GRIN2D: variants seen among roughly 807,000 people sequenced by gnomAD.
The protein encoded by GRIN2D is glutamate receptor ionotropic, NMDA 2D.
In GRIN2D, 37 loss-of-function variants were observed where a neutral mutation model predicts 103.2. The observed-to-expected ratio is 0.36, with a 90% CI of 0.28 to 0.47. GRIN2D has a LOEUF of 0.47. Ranked by LOEUF, GRIN2D falls within the 20% of genes least tolerant of loss-of-function variation. The probability of loss-of-function intolerance (pLI) is 1.00; values close to 1 mark genes in which losing one functional copy is unlikely to be tolerated. For missense variants in GRIN2D, 1,557 were observed against 1,910.6 expected, an observed-to-expected ratio of 0.81 and a Z score of 3.45; for synonymous variants, 845 against 885.6, an observed-to-expected ratio of 0.95 and a Z score of 0.81.
intron 11 of GRIN2D, 41 bp from the exon 12 acceptor site, chr19:48,441,728 T>C: frequency 6.5e-7 from 1 of 1,537,970 alleles, no homozygotes; most frequent in East Asian, 2.3e-5. Flanking sequence ...CCAGGGCATC[T>C]AGGTGGGACT....
Position 48,398,868 on chromosome 19 carries a change from C to CCGGGG in GRIN2D, c.465+23_465+27dup, listed in dbSNP as rs1189546473. ...GTGCTCACGCCCAAGGTGCGCGCGA[C>CCGGGG]CGGGGCGGGGCGGGGCCACAGGAGG... On this transcript the variant is annotated intron_variant, in intron 3 of 13. Coordinates refer to ENST00000263269, the MANE Select transcript of GRIN2D (RefSeq NM_000836.4). The CCGGGG allele has an allele frequency of 2.3e-6, 3 of 1,300,540 alleles. No homozygotes were observed. The highest frequency in any genetic ancestry group is 2.0e-6 in the Non-Finnish European group (2 of 1,025,068). The allele number at this position is 1,300,540 out of a possible 1,614,324, so 80.6% of individuals were successfully genotyped here.
At position 48,429,148 on chromosome 19, in the gene GRIN2D, T is replaced by C. The variant is rs375978097; in HGVS notation, c.2252+7203T>C. The stretch of plus-strand genomic sequence containing the variant: ...AGTATCCCTTGTTACTTTTTCTTTT[T>C]TTTCTAATTTTTAGTTCTATATTTA... On this transcript the variant is annotated intron_variant, in intron 11 of 13. Transcript: ENST00000263269. Among the ~76,000 whole-genome samples, 3 of 152,326 alleles carry C rather than the reference T, an allele frequency of 2.0e-5. No individual in the cohort carries two copies. In the East Asian group the frequency reaches 5.8e-4, roughly 29 times the overall value.
chr19:48,432,387 G>A (rs570062982), intron 11 of GRIN2D, among the ~76,000 whole-genome samples: 1 of 151,804 alleles, frequency 6.6e-6, no homozygotes, highest in African/African-American at 2.4e-5. Context: ...TCTTTCAATC[G>A]TATTCTCATG....
At chr19:48,432,772 TC>T (rs1971173448) in intron 11 of GRIN2D, among the ~76,000 whole-genome samples, 1 of 150,804 alleles carries the variant, frequency 6.6e-6, no homozygotes, top group Admixed American at 6.6e-5. Context: ...AACTGGACTT[TC>T]TTTTTTTTTT....
chr19:48,412,031 TAA>T (rs922471645), intron 4 of GRIN2D, among the ~76,000 whole-genome samples: 1 of 143,348 alleles, frequency 7.0e-6, no homozygotes, highest in Non-Finnish European at 1.5e-5. Flanking sequence ...TATCTCTACT[TAA>T]AAAAAAAAAG....
chr19:48,401,122 C>T lies in GRIN2D; in HGVS notation c.465+2265C>T, dbSNP rs928204330. On this transcript the variant is annotated intron_variant, in intron 3 of 13. Coordinates refer to ENST00000263269, the MANE Select transcript of GRIN2D (RefSeq NM_000836.4). ...ACAATAAACAAAAAGAACTCATTCCCTCAGGACAACTGCAGTATCCCCTGT... is the reference window on the plus strand; with the variant it reads ...ACAATAAACAAAAAGAACTCATTCCTTCAGGACAACTGCAGTATCCCCTGT... Among the ~76,000 whole-genome samples the T allele has an allele frequency of 9.9e-5, 15 of 151,888 alleles. 1 individual carries two copies. The highest frequency in any genetic ancestry group is 2.9e-5 in the Non-Finnish European group (2 of 67,974).
rs900615101 is a variant in GRIN2D, at chr19:48,443,002, G to A, written c.3076G>A (p.Gly1026Ser). The A allele has an allele frequency of 3.7e-6, 4 of 1,092,784 alleles. No homozygotes were observed. Among genetic ancestry groups the A allele is most frequent in the Admixed American group, 5.1e-5 (1 of 19,674 alleles). 67.7% of individuals were successfully genotyped at this position (1,092,784 alleles called of 1,614,324 possible). Residue 1026 changes from glycine to serine, a missense_variant, in exon 14 of 14, where the codon GGC (glycine) becomes AGC (serine). Physicochemically the swap from Gly to Ser is moderately conservative, Grantham distance 56. Transcript: ENST00000263269. This position sits in a 1 kb window ranked among gnomAD's most constrained non-coding sequence, Gnocchi z 8.9. ...CGAGCCCCCCGCCGGCGCCTTCCCC[G>A]GCTTCCCGTCGCCGCCCGCGCCCCC... Reference protein sequence around the residue: ...PAEPPAGAFPGFPSPPAPPAA... With the variant: ...PAEPPAGAFPSFPSPPAPPAA...
intron 7 of GRIN2D, among the ~76,000 whole-genome samples, chr19:48,415,555 A>G (rs1352939657): frequency 2.1e-5 from 2 of 93,132 alleles, no homozygotes; most frequent in Non-Finnish European, 4.3e-5. Context: ...AGGCGGGGCT[A>G]GGAGGGTGGG....
chr19:48,400,613 G>A (rs1021506318), intron 3 of GRIN2D, among the ~76,000 whole-genome samples: 4 of 152,160 alleles, frequency 2.6e-5, no homozygotes, highest in Non-Finnish European at 5.9e-5. Flanking sequence ...CTCAGTGTAC[G>A]CCCATAGCAT....
intron 8 of GRIN2D, among the ~76,000 whole-genome samples, chr19:48,418,720 T>G (rs1249099211): frequency 6.6e-6 from 1 of 151,724 alleles, no homozygotes; most frequent in Non-Finnish European, 1.5e-5. Flanking sequence ...GGGTGGATGG[T>G]GGGGCTCCCA....
At chr19:48,419,383 C>A in intron 9 of GRIN2D, 24 bp downstream of exon 9, 3 of 1,586,626 alleles carry the variant, frequency 1.9e-6, no homozygotes, top group Non-Finnish European at 2.6e-6. Context: ...CCTCCATCCC[C>A]CGCCTCGGAG....
rs1971335508 is a variant in GRIN2D at position 48,443,529 on chromosome 19, C to A, written c.3603C>A (p.Gly1201=). The A allele has an allele frequency of 5.4e-6, 7 of 1,296,452 alleles. No homozygotes were observed. The highest frequency in any genetic ancestry group is 2.9e-4 in the Middle Eastern group (1 of 3,392). The allele number at this position is 1,296,452 out of a possible 1,614,324, so 80.3% of individuals were successfully genotyped here. The change falls in exon 14 of 14, where the codon GGC becomes GGA. Residue 1201 remains glycine, a synonymous_variant. Transcript: ENST00000263269. This position sits in a 1 kb window ranked among gnomAD's most constrained non-coding sequence, Gnocchi z 8.9. ...PPRHLSCSHD[G]LDGGWWAPPP... is the part of the protein sequence containing the mutation. ...GCCATCTCAGCTGCTCGCACGATGG[C>A]CTGGACGGCGGCTGGTGGGCGCCAC...
chr19:48,405,325 C>G lies in GRIN2D; in HGVS notation c.1057C>G (p.Arg353Gly). The G allele has an allele frequency of 6.3e-7, 1 of 1,594,304 alleles. No homozygotes were observed. The highest frequency in any genetic ancestry group is 8.5e-7 in the Non-Finnish European group (1 of 1,171,610). ...CGGCCACGACTGTCGCGCCCAGAACCGCACCCACCGCGGCGAGAGTCTGCA... is the reference window on the plus strand; with the variant it reads ...CGGCCACGACTGTCGCGCCCAGAACGGCACCCACCGCGGCGAGAGTCTGCA... The part of the protein sequence containing the change: ...ELGHDCRAQN[R>G]THRGESLHRY... Residue 353 changes from arginine (R) to glycine (G), a missense_variant, in exon 4 of 14, where the codon CGC becomes GGC. Arg to Gly is a moderately radical substitution (Grantham distance 125). Transcript: ENST00000263269. The surrounding 1 kb of genome is among the most constrained non-coding windows in gnomAD (Gnocchi z 5.1).
At position 48,419,758 on chromosome 19, in the gene GRIN2D, G is replaced by T. The variant is rs1307299386; in HGVS notation, c.2035G>T (p.Ala679Ser). The change falls in exon 10 of 14, where the codon GCC (alanine) becomes TCC (serine). Residue 679 changes from alanine (A) to serine (S), a missense_variant. By Grantham distance (99) the Ala-to-Ser change is moderately conservative (BLOSUM62 1). Transcript: ENST00000263269. ...CGCCAGCTACACAGCCAACCTGGCCGCCTTCATGATCCAGGAGGAGTACGT... is the reference window on the plus strand; with the variant it reads ...CGCCAGCTACACAGCCAACCTGGCCTCCTTCATGATCCAGGAGGAGTACGT... ...FLASYTANLA[A>S]FMIQEEYVDT... The T allele has an allele frequency of 6.2e-7, 1 of 1,613,774 alleles. No individual in the cohort carries two copies. The highest frequency in any genetic ancestry group is 2.2e-5 in the East Asian group (1 of 44,850).
chr19:48,402,694 G>T (rs1201314680), intron 3 of GRIN2D, among the ~76,000 whole-genome samples: 1 of 138,526 alleles, frequency 7.2e-6, no homozygotes, highest in Non-Finnish European at 1.5e-5. Flanking sequence ...TCCGCAGTCC[G>T]GCCTGGGCGA....
intron 11 of GRIN2D, among the ~76,000 whole-genome samples, chr19:48,430,821 CT>C (rs557084994): frequency 3.9e-3 from 498 of 128,868 alleles, no homozygotes; most frequent in African/African-American, 8.1e-3. Flanking sequence ...TTTCTTTTTT[CT>C]TTTTTTTTTT....
At chr19:48,424,680 G>A (rs1441210562) in intron 11 of GRIN2D, among the ~76,000 whole-genome samples, 1 of 151,906 alleles carries the variant, frequency 6.6e-6, no homozygotes, top group Non-Finnish European at 1.5e-5. Flanking sequence ...TTCCCCACAC[G>A]CTGTCTTTGA....
Position 48,405,421 on chromosome 19 carries a change from A to G in GRIN2D, c.1085+68A>G. 1 of 1,414,192 alleles carries G rather than the reference A, an allele frequency of 7.1e-7. No homozygotes were observed. The highest frequency in any genetic ancestry group is 1.5e-5 in the South Asian group (1 of 68,262). The allele number at this position is 1,414,192 out of a possible 1,614,324, so 87.6% of individuals were successfully genotyped here. On this transcript the variant is annotated intron_variant, in intron 4 of 13. Transcript: ENST00000263269. This position sits in a 1 kb window ranked among gnomAD's most constrained non-coding sequence, Gnocchi z 5.1. ...AGCCTAACTACCTCAGTATTCACTG[A>G]ATGAGTGGCTCAAATGGGCCACATC... is the stretch of plus-strand genomic sequence containing the variant.
chr19:48,394,509 C>T lies in GRIN2D; in HGVS notation c.-305-149C>T, dbSNP rs547965630. Reference sequence around the variant, plus strand: ...GGGGTGCGAGTGAGCCAGGGAGAGGCGGGACTGGACACATGGAAAGGGGGG... The same window carrying T: ...GGGGTGCGAGTGAGCCAGGGAGAGGTGGGACTGGACACATGGAAAGGGGGG... On this transcript the variant is annotated intron_variant, in intron 1 of 13. Transcript: ENST00000263269. This position sits in a 1 kb window ranked among gnomAD's most constrained non-coding sequence, Gnocchi z 5.1. Among the ~76,000 whole-genome samples, 498 of 127,622 alleles carry T rather than the reference C, an allele frequency of 3.9e-3. 5 individuals are homozygous for T. The highest frequency in any genetic ancestry group is 0.014 in the African/African-American group (473 of 32,690). 83.7% of individuals were successfully genotyped at this position (127,622 alleles called of 152,430 possible).
Sources: allele counts gnomAD v4.1 joint callset (sites outside exome capture counted in the v4.1 genomes callset), GRCh38; gene constraint gnomAD v4.1.1; non-coding constraint Gnocchi (gnomAD v3.1); transcripts MANE v1.5; gene names NCBI Gene and HGNC (gene_info 2026-07-23, HGNC 2026-07-21).